Variants in PDE10A observed in about 807,000 individuals in gnomAD.
PDE10A encodes phosphodiesterase 10A, also known as cAMP and cAMP-inhibited cGMP 3',5'-cyclic phosphodiesterase 10A.
Under a neutral mutation model 97.7 loss-of-function variants are expected in PDE10A, and 39 were observed. That is an observed-to-expected ratio of 0.40 (90% CI 0.31 to 0.52). The LOEUF (loss-of-function observed/expected upper bound fraction) is 0.52. PDE10A is among the 20% of genes least tolerant of loss of function. PDE10A has a pLI of 0.56. For missense variants in PDE10A, 731 were observed against 1,047.8 expected, an observed-to-expected ratio of 0.70 and a Z score of 4.17; for synonymous variants, 371 against 376.8, an observed-to-expected ratio of 0.98 and a Z score of 0.18.
intron 18 of PDE10A, among the ~76,000 whole-genome samples, chr6:165,375,487 G>A (rs191101923): frequency 6.6e-6 from 1 of 152,212 alleles, no homozygotes; most frequent in Non-Finnish European, 1.5e-5. Context: ...GAAAGTAGCA[G>A]AGATTGGTTC....
At chr6:165,969,545 C>A (rs1361377293) in intron 1 of PDE10A, among the ~76,000 whole-genome samples, 2 of 152,124 alleles carry the variant, frequency 1.3e-5, no homozygotes, top group Admixed American at 6.5e-5. Context: ...CTGGTTTTGA[C>A]TATATTAGGC....
rs535230431 is a variant in PDE10A, at chr6:165,463,173, C to T, written c.1024-12811G>A. Reference sequence around the variant, plus strand: ...AGCTGATCTGAACAAAACAGTCAGACGGTAGAAATGGCAAAAAATACAGCA... The same window carrying T: ...AGCTGATCTGAACAAAACAGTCAGATGGTAGAAATGGCAAAAAATACAGCA... On this transcript the variant is annotated intron_variant, in intron 3 of 21. Transcript: ENST00000539869. Among the ~76,000 whole-genome samples, 36 of 152,222 alleles carry T rather than the reference C, an allele frequency of 2.4e-4. 1 individual carries two copies. The highest frequency in any genetic ancestry group is 1.5e-3 in the South Asian group (7 of 4,826).
At chr6:165,964,494 A>T (rs990280623) in intron 1 of PDE10A, among the ~76,000 whole-genome samples, 1 of 152,220 alleles carries the variant, frequency 6.6e-6, no homozygotes, top group African/African-American at 2.4e-5. Flanking sequence ...GGTCTGAAAT[A>T]GTCATCAGTT....
At chr6:165,802,532 G>A (rs987613655) in intron 1 of PDE10A, among the ~76,000 whole-genome samples, 6 of 152,184 alleles carry the variant, frequency 3.9e-5, no homozygotes, top group South Asian at 2.1e-4. Context: ...AAGAGCTACC[G>A]CAAAGTGGTG....
At chr6:165,344,024 G>GC (rs1431391303) in intron 18 of PDE10A, among the ~76,000 whole-genome samples, 3 of 152,208 alleles carry the variant, frequency 2.0e-5, no homozygotes, top group Non-Finnish European at 4.4e-5. Context: ...CTCTCCCCGT[G>GC]CAAGTGTGTG....
At chr6:165,908,588 A>G (rs1782364777) in intron 1 of PDE10A, among the ~76,000 whole-genome samples, 1 of 152,212 alleles carries the variant, frequency 6.6e-6, no homozygotes, top group Non-Finnish European at 1.5e-5. Context: ...AGGCAAGTCT[A>G]GTGAAGGCTG....
rs35069498 is a variant in PDE10A, at chr6:165,498,423, C to CAAAA, written c.995-16084_995-16081dup. On this transcript the variant is annotated intron_variant, in intron 2 of 21. Transcript: ENST00000539869. The stretch of plus-strand genomic sequence containing the variant: ...GGATGACAGAGCAAGACCCTGTCTC[C>CAAAA]AAAAAAAAAAAAAAAAAAAAAAAAA... Among the ~76,000 whole-genome samples the CAAAA allele has an allele frequency of 4.3e-3, 98 of 22,882 alleles. 10 individuals are homozygous for CAAAA. Among genetic ancestry groups the CAAAA allele is most frequent in the African/African-American group, 5.0e-3 (39 of 7,848 alleles). The allele number at this position is 22,882 out of a possible 152,430, so 15.0% of individuals were successfully genotyped here.
intron 1 of PDE10A, among the ~76,000 whole-genome samples, chr6:165,798,306 A>G (rs937320665): frequency 2.6e-5 from 4 of 152,196 alleles, no homozygotes; most frequent in Non-Finnish European, 2.9e-5. Context: ...GAGAAAATTG[A>G]GATGAAAAGT....
intron 1 of PDE10A, among the ~76,000 whole-genome samples, chr6:165,593,959 T>G (rs1467879399): frequency 6.6e-6 from 1 of 152,360 alleles, no homozygotes; most frequent in African/African-American, 2.4e-5. Flanking sequence ...TAACCTATAA[T>G]GTATAAGCTT....
intron 1 of PDE10A, among the ~76,000 whole-genome samples, chr6:165,825,114 C>T (rs1162526754): frequency 6.9e-6 from 1 of 145,876 alleles, no homozygotes; most frequent in Non-Finnish European, 1.5e-5. Flanking sequence ...CACCACTGCA[C>T]TCCAGCCTGG....
chr6:165,413,164 A>G (rs1020629043), intron 13 of PDE10A, among the ~76,000 whole-genome samples: 1 of 152,198 alleles, frequency 6.6e-6, no homozygotes, highest in Admixed American at 6.5e-5. Context: ...TGCATTTGAC[A>G]AACAGTCAAG....
rs1172061431 is a variant in PDE10A, at chr6:165,671,612, G to C, written c.-614-128044C>G. ...TCACTACTCGTAGAAGCCCTTAGAG[G>C]CAGCTTTAATAGCTAGGATTTAGGC... On this transcript the variant is annotated intron_variant, in intron 1 of 19. Coordinates refer to the PDE10A transcript ENST00000366882. This position sits in a 1 kb window ranked among gnomAD's most constrained non-coding sequence, Gnocchi z 4.6. Among the ~76,000 whole-genome samples the C allele has an allele frequency of 6.6e-6, 1 of 152,114 alleles. No individual in the cohort carries two copies. Among genetic ancestry groups the C allele is most frequent in the Non-Finnish European group, 1.5e-5 (1 of 68,034 alleles).
intron 1 of PDE10A, among the ~76,000 whole-genome samples, chr6:165,871,137 GAT>G (rs1445948373): frequency 2.0e-5 from 3 of 152,122 alleles, no homozygotes; most frequent in Non-Finnish European, 4.4e-5. Flanking sequence ...TGAGGTGATG[GAT>G]ATTCTAAATA....
At chr6:165,421,983 G>A (rs995214193) in intron 10 of PDE10A, among the ~76,000 whole-genome samples, 4 of 152,146 alleles carry the variant, frequency 2.6e-5, no homozygotes, top group African/African-American at 9.7e-5. Context: ...AGGATGGCTT[G>A]AGCCAGGGAG....
At chr6:165,649,701 A>C (rs1422014902) in intron 1 of PDE10A, among the ~76,000 whole-genome samples, 1 of 152,138 alleles carries the variant, frequency 6.6e-6, no homozygotes, top group Non-Finnish European at 1.5e-5. Context: ...ACTTGTAATA[A>C]ATTGCTGGGG....
At chr6:165,652,561 A>G (rs574760425) in intron 1 of PDE10A, among the ~76,000 whole-genome samples, 241 of 152,318 alleles carry the variant, frequency 1.6e-3, no homozygotes, top group African/African-American at 5.4e-3. Context: ...AACACAAATT[A>G]CATCCTATAC....
intron 1 of PDE10A, among the ~76,000 whole-genome samples, chr6:165,689,904 G>A (rs912219192): frequency 6.6e-6 from 1 of 152,118 alleles, no homozygotes; most frequent in African/African-American, 2.4e-5. Flanking sequence ...CTGCCACCGG[G>A]TGAGTACAAT....
At chr6:165,351,534 ATTTG>A (rs991205435) in intron 18 of PDE10A, among the ~76,000 whole-genome samples, 1 of 152,208 alleles carries the variant, frequency 6.6e-6, no homozygotes, top group African/African-American at 2.4e-5. Context: ...ATTTTGGATT[ATTTG>A]TTTACTTGAG....
chr6:165,404,526 A>G (rs1786953658), intron 13 of PDE10A, among the ~76,000 whole-genome samples: 1 of 152,160 alleles, frequency 6.6e-6, no homozygotes, highest in South Asian at 2.1e-4. Context: ...TTTCAAGCTA[A>G]AAACTTAACA....
Sources: gnomAD v4.1 joint callset for allele counts (sites outside exome capture counted in the v4.1 genomes callset) on GRCh38, gnomAD v4.1.1 for gene constraint, Gnocchi (gnomAD v3.1) non-coding constraint, MANE v1.5 for transcripts, NCBI Gene and HGNC (gene_info 2026-07-23, HGNC 2026-07-21) for gene names.